KCTD10: variants seen among roughly 807,000 people sequenced by gnomAD.
The protein encoded by KCTD10 is potassium channel tetramerization domain containing 10.
KCTD10 carries 13 observed loss-of-function variants against 34.6 expected under a neutral mutation model. The ratio of observed to expected loss-of-function variants is 0.38; its 90% CI spans 0.24 to 0.60. KCTD10 has a LOEUF of 0.60. Among genes scored for constraint, KCTD10 ranks in the 20% least tolerant of loss-of-function variants. The pLI, the probability that KCTD10 is intolerant of heterozygous loss-of-function variation, is 0.66. For synonymous variants in KCTD10, 156 were observed against 168.8 expected, an observed-to-expected ratio of 0.92 and a Z score of 0.59; for missense variants, 256 against 420.3, an observed-to-expected ratio of 0.61 and a Z score of 3.42.
Position 109,451,699 on chromosome 12 carries a change from C to T in KCTD10, c.838G>A (p.Gly280Arg), listed in dbSNP as rs1279950591. 6.2e-7 allele frequency: 1 copy of T among 1,613,892 alleles called. No homozygotes were observed. The highest frequency in any genetic ancestry group is 1.7e-5 in the Admixed American group (1 of 60,006). Reference protein sequence around the residue: ...ALLEATGGAAGRSHHLDEDEE... With the variant: ...ALLEATGGAARRSHHLDEDEE... Reference sequence around the variant, plus strand: ...TCCTCGTCCAGGTGGTGGGAGCGCCCCGCCGCCCCGCCTGTGGCCTCCAGG... The same window carrying T: ...TCCTCGTCCAGGTGGTGGGAGCGCCTCGCCGCCCCGCCTGTGGCCTCCAGG... Residue 280 changes from glycine to arginine, a missense_variant, in exon 7 of 7, where the codon GGG becomes AGG. Coordinates refer to ENST00000228495, the MANE Select transcript of KCTD10 (RefSeq NM_031954.5). The surrounding 1 kb of genome is among the most constrained non-coding windows in gnomAD (Gnocchi z 5.0).
Position 109,474,542 on chromosome 12 carries a change from G to A in KCTD10, c.3+2718C>T, listed in dbSNP as rs1436464935. ...GTAATTGGTCCGGGATGTGGACTAG[G>A]CAACAGAATTTTTAAAACTCCCTCA... On this transcript the variant is annotated intron_variant, in intron 1 of 6. Coordinates refer to ENST00000228495, the MANE Select transcript of KCTD10 (RefSeq NM_031954.5). Among the ~76,000 whole-genome samples, 3 of 152,050 alleles carry A rather than the reference G, an allele frequency of 2.0e-5. No individual in the cohort carries two copies. The South Asian group carries it at 6.2e-4, about 32-fold the overall frequency.
intron 2 of KCTD10, among the ~76,000 whole-genome samples, chr12:109,466,811 A>G (rs190849761): frequency 5.8e-4 from 89 of 152,378 alleles, no homozygotes; most frequent in Non-Finnish European, 9.3e-4. Flanking sequence ...GCTGAGCTGC[A>G]CTTGGCATTT....
At chr12:109,452,955 T>C (rs1308074855) in intron 6 of KCTD10, among the ~76,000 whole-genome samples, 1 of 152,062 alleles carries the variant, frequency 6.6e-6, no homozygotes, top group Non-Finnish European at 1.5e-5. Context: ...CATGGTCTGA[T>C]CCCAACTGTT....
At chr12:109,452,602 A>T (rs1011333480) in intron 6 of KCTD10, among the ~76,000 whole-genome samples, 2 of 152,252 alleles carry the variant, frequency 1.3e-5, no homozygotes, top group Non-Finnish European at 2.9e-5. Context: ...CAAAGCCAGA[A>T]TGGGATGCAC....
In KCTD10 at chr12:109,450,110, T is replaced by A. The variant is rs538565275; in HGVS notation, c.*1485A>T. On this transcript the variant is annotated 3_prime_UTR_variant, in exon 7 of 7. Transcript: ENST00000228495. ...AATATAAACTCGTTTTTGGAATACA[T>A]GTGTCAAAGGCTGCCCATGTTAATA... 2.0e-5 allele frequency: 8 copies of A among 396,834 alleles called. No homozygotes were observed. Among genetic ancestry groups the A allele is most frequent in the Non-Finnish European group, 3.5e-5 (8 of 225,516 alleles). 24.6% of individuals were successfully genotyped at this position (396,834 alleles called of 1,614,324 possible). A position where few individuals can be genotyped will look rare whatever the true frequency, so the allele number is the denominator to read the frequency against.
chr12:109,454,931 T>C (rs1159560624), intron 6 of KCTD10, among the ~76,000 whole-genome samples: 3 of 152,000 alleles, frequency 2.0e-5, no homozygotes, highest in East Asian at 1.9e-4. Context: ...GCTTAATCAA[T>C]ATGGTGACTC....
Position 109,458,040 on chromosome 12 carries a change from C to G in KCTD10, c.426G>C (p.Val142=). The change falls in exon 4 of 7, where the codon GTG becomes GTC. Residue 142 remains valine, a synonymous_variant. Transcript: ENST00000228495. ...DTYEPFCKVP[V]ITSSKEEQKL... is the part of the protein sequence containing the mutation. Reference sequence around the variant, plus strand: ...TTTGTTCTTCCTTGGATGAGGTGATCACAGGGACCTTGCAGAAAGGCTCAT... The same window carrying G: ...TTTGTTCTTCCTTGGATGAGGTGATGACAGGGACCTTGCAGAAAGGCTCAT... The G allele has an allele frequency of 1.2e-6, 2 of 1,614,180 alleles. No individual in the cohort carries two copies. The highest frequency in any genetic ancestry group is 1.7e-6 in the Non-Finnish European group (2 of 1,180,030).
chr12:109,450,626 G>A lies in KCTD10; in HGVS notation c.*969C>T, dbSNP rs533141080. 2.7e-6 allele frequency: 1 copy of A among 366,846 alleles called. No homozygotes were observed. Among genetic ancestry groups the A allele is most frequent in the African/African-American group, 2.1e-5 (1 of 47,954 alleles). The allele number at this position is 366,846 out of a possible 1,614,324, so 22.7% of individuals were successfully genotyped here. A position where few individuals can be genotyped will look rare whatever the true frequency, so the allele number is the denominator to read the frequency against. On this transcript the variant is annotated 3_prime_UTR_variant, in exon 7 of 7. Transcript: ENST00000228495. Reference sequence around the variant, plus strand: ...GAGGACAAAGGGTATGGGCCACACTGAATTTCTAAGCAAAATGACTTAGAA... The same window carrying A: ...GAGGACAAAGGGTATGGGCCACACTAAATTTCTAAGCAAAATGACTTAGAA...
At chr12:109,463,926 C>G (rs1263524995) in intron 2 of KCTD10, among the ~76,000 whole-genome samples, 1 of 152,202 alleles carries the variant, frequency 6.6e-6, no homozygotes, top group Non-Finnish European at 1.5e-5. Flanking sequence ...AGAGCAGCAG[C>G]GTCCAGAGGC....
At chr12:109,457,054 T>C (rs906286117) in intron 5 of KCTD10, 1 of 155,670 alleles carries the variant, frequency 6.4e-6, no homozygotes, top group African/African-American at 2.4e-5. Flanking sequence ...GTCTACACTG[T>C]GGAATATTAT....
chr12:109,471,277 T>C (rs969144381), intron 1 of KCTD10: 11 of 985,280 alleles, frequency 1.1e-5, no homozygotes, highest in African/African-American at 1.7e-5. Flanking sequence ...GCGACAGTCA[T>C]GGACAATATT....
Position 109,460,529 on chromosome 12 carries a change from C to T in KCTD10, c.387+107G>A, listed in dbSNP as rs1268961390. 3 of 1,237,436 alleles carry T rather than the reference C, an allele frequency of 2.4e-6. No homozygotes were observed. Among genetic ancestry groups the T allele is most frequent in the East Asian group, 4.7e-5 (2 of 42,374 alleles). 76.7% of individuals were successfully genotyped at this position (1,237,436 alleles called of 1,614,324 possible). A position where few individuals can be genotyped will look rare whatever the true frequency, so the allele number is the denominator to read the frequency against. ...AGGGCAAACTCATTAACTCTCACAA[C>T]ATCTCAGTCAGACAGAAACTGCCCC... On this transcript the variant is annotated intron_variant, in intron 3 of 6. Coordinates refer to ENST00000228495, the MANE Select transcript of KCTD10 (RefSeq NM_031954.5). The surrounding 1 kb of genome is among the most constrained non-coding windows in gnomAD (Gnocchi z 4.5).
At chr12:109,465,314 T>C (rs1189985667) in intron 2 of KCTD10, among the ~76,000 whole-genome samples, 1 of 152,148 alleles carries the variant, frequency 6.6e-6, no homozygotes, top group Admixed American at 6.5e-5. Flanking sequence ...AAGCAAAACA[T>C]ACAAACTGTA....
intron 3 of KCTD10, among the ~76,000 whole-genome samples, chr12:109,459,846 G>A (rs987721998): frequency 6.6e-6 from 1 of 152,254 alleles, no homozygotes; most frequent in African/African-American, 2.4e-5. Context: ...GAGAGTAGGA[G>A]GGGTATGGTG....
chr12:109,457,609 C>T (rs1873088138), intron 5 of KCTD10, 21 bp downstream of exon 5: 6 of 1,612,992 alleles, frequency 3.7e-6, no homozygotes, highest in Non-Finnish European at 5.1e-6. Flanking sequence ...ATGGAGCTGT[C>T]TTTCCCGGCT....
intron 6 of KCTD10, among the ~76,000 whole-genome samples, chr12:109,453,345 A>G (rs1011428529): frequency 5.3e-5 from 8 of 151,954 alleles, no homozygotes; most frequent in East Asian, 1.9e-4. Context: ...ACACACCACC[A>G]TGCCCAGCTA....
At chr12:109,466,661 G>A (rs1481278261) in intron 2 of KCTD10, among the ~76,000 whole-genome samples, 1 of 152,216 alleles carries the variant, frequency 6.6e-6, no homozygotes, top group African/African-American at 2.4e-5. Context: ...GCAAAAAGGA[G>A]ACTATTCCCC....
intron 5 of KCTD10, chr12:109,457,177 T>C (rs952856875): frequency 6.2e-6 from 1 of 161,660 alleles, no homozygotes; most frequent in African/African-American, 2.4e-5. Flanking sequence ...CAAAAGGCCA[T>C]ATATTATGCA....
At chr12:109,452,102 T>C (rs986803830) in intron 6 of KCTD10, among the ~76,000 whole-genome samples, 1 of 152,218 alleles carries the variant, frequency 6.6e-6, no homozygotes, top group African/African-American at 2.4e-5. Context: ...TGCATGTAAA[T>C]ATGTGTAATA....
Sources: allele counts gnomAD v4.1 joint callset (sites outside exome capture counted in the v4.1 genomes callset), GRCh38; gene constraint gnomAD v4.1.1; non-coding constraint Gnocchi (gnomAD v3.1); transcripts MANE v1.5; gene names NCBI Gene and HGNC (gene_info 2026-07-23, HGNC 2026-07-21).